Variants in JMJD1C observed in about 807,000 individuals in gnomAD.
JMJD1C encodes the protein jumonji domain-containing protein 1C.
In JMJD1C, 31 loss-of-function variants were observed where a neutral mutation model predicts 245.3. The ratio of observed to expected loss-of-function variants is 0.13; its 90% confidence interval spans 0.09 to 0.17. JMJD1C has a LOEUF of 0.17. JMJD1C is among the 10% of genes least tolerant of loss of function. JMJD1C has a pLI of 1.00. For missense variants in JMJD1C, 2,691 were observed against 3,000.2 expected (o/e 0.90, Z 2.41); for synonymous variants, 1,057 against 1,017.4 (o/e 1.04, Z -0.74).
At chr10:63,489,266 G>A (rs528204792) in intron 1 of JMJD1C, among the ~76,000 whole-genome samples, 1 of 152,268 alleles carries the variant, frequency 6.6e-6, no homozygotes, top group South Asian at 2.1e-4. Flanking sequence ...TGGGCATGGT[G>A]GCGGGCGCCT....
At position 63,193,161 on chromosome 10, in the gene JMJD1C, T is replaced by C; in HGVS notation, c.5863-10A>G. On this transcript the variant is annotated splice_polypyrimidine_tract_variant and intron_variant, in intron 15 of 25. Transcript: ENST00000399262. ...GAACATTCTGTAAAACCTACAAAGGTAGAACAATTACATTTTTAAACACTT... is the reference window on the plus strand; with the variant it reads ...GAACATTCTGTAAAACCTACAAAGGCAGAACAATTACATTTTTAAACACTT... 1.9e-6 allele frequency: 3 copies of C among 1,597,206 alleles called. No individual in the cohort carries two copies. Among genetic ancestry groups the C allele is most frequent in the Non-Finnish European group, 2.6e-6 (3 of 1,166,554 alleles).
chr10:63,377,089 A>G (rs930744260), intron 2 of JMJD1C, among the ~76,000 whole-genome samples: 6 of 152,254 alleles, frequency 3.9e-5, no homozygotes, highest in Non-Finnish European at 7.3e-5. Context: ...GTTATTTTGC[A>G]ATAAAAAGGA....
chr10:63,168,256 G>GA (rs1842026767), intron 25 of JMJD1C, 122 bp from the exon 26 acceptor site: 1 of 1,008,330 alleles, frequency 9.9e-7, no homozygotes, highest in Non-Finnish European at 1.5e-6. Flanking sequence ...AAAAATGTTT[G>GA]AAAGTGTTAA....
chr10:63,210,896 C>T (rs962526985), intron 8 of JMJD1C, among the ~76,000 whole-genome samples: 3 of 152,172 alleles, frequency 2.0e-5, no homozygotes, highest in African/African-American at 4.8e-5. Context: ...ACAAAAGCAA[C>T]GGCACCCTCC....
At chr10:63,274,026 C>T (rs1004768936) in intron 2 of JMJD1C, among the ~76,000 whole-genome samples, 1 of 152,042 alleles carries the variant, frequency 6.6e-6, no homozygotes, top group Admixed American at 6.6e-5. Flanking sequence ...AAAAATTATA[C>T]AGACTCAAAA....
At chr10:63,512,705 G>A (rs10437363) in intron 1 of JMJD1C, among the ~76,000 whole-genome samples, 21,941 of 152,102 alleles carry the variant, frequency 0.14, 3,731 homozygotes, top group African/African-American at 0.41. Context: ...TGCTCTCTGA[G>A]CTTCCTGGAT....
chr10:63,189,043 A>C (rs1322184894), intron 18 of JMJD1C, 125 bp downstream of exon 18: 7 of 738,114 alleles, frequency 9.5e-6, no homozygotes, highest in Non-Finnish European at 1.5e-5. Flanking sequence ...TTTATATCTT[A>C]TTGTCCCCCA....
chr10:63,295,033 C>T (rs1223041355), intron 2 of JMJD1C, among the ~76,000 whole-genome samples: 4 of 147,010 alleles, frequency 2.7e-5, no homozygotes, highest in African/African-American at 7.4e-5. Context: ...ATTTAAAAAA[C>T]AGCAATTAGA....
chr10:63,265,989 T>G (rs1242697450), intron 2 of JMJD1C, among the ~76,000 whole-genome samples: 1 of 152,050 alleles, frequency 6.6e-6, no homozygotes, highest in African/African-American at 2.4e-5. Flanking sequence ...AAGGAGTTAA[T>G]TTCTATATTT....
chr10:63,398,115 C>A (rs1948616639), intron 1 of JMJD1C, among the ~76,000 whole-genome samples: 1 of 152,142 alleles, frequency 6.6e-6, no homozygotes, highest in African/African-American at 2.4e-5. Context: ...CTAAAACTAT[C>A]CATTATTTAA....
At chr10:63,372,459 T>A (rs1026342353) in intron 2 of JMJD1C, among the ~76,000 whole-genome samples, 1 of 152,210 alleles carries the variant, frequency 6.6e-6, no homozygotes, top group Admixed American at 6.5e-5. Flanking sequence ...CTGATGAGAA[T>A]TGGCATTATA....
intron 20 of JMJD1C, 99 bp from the exon 21 acceptor site, chr10:63,184,837 T>A (rs752356439): frequency 9.0e-7 from 1 of 1,109,554 alleles, no homozygotes; most frequent in Non-Finnish European, 1.3e-6. Flanking sequence ...GCAGACTACC[T>A]TTCCATAAGA....
intron 2 of JMJD1C, among the ~76,000 whole-genome samples, chr10:63,362,912 G>A (rs569194245): frequency 6.6e-6 from 1 of 152,090 alleles, no homozygotes; most frequent in Non-Finnish European, 1.5e-5. Context: ...GAGTGAGAGT[G>A]GCTTGGTGAG....
chr10:63,207,590 T>A lies in JMJD1C; in HGVS notation c.4079A>T (p.Asn1360Ile), dbSNP rs1589148092. The part of the protein sequence containing the change: ...ETGRIILPNV[N>I]SDSVHTKSEK... The stretch of plus-strand genomic sequence containing the variant: ...AGATTTTGTGTGAACACTGTCTGAA[T>A]TCACATTTGGCAAAATGATTCTTCC... The change falls in exon 10 of 26, where the codon AAT (asparagine) becomes ATT (isoleucine). Residue 1360 changes from asparagine (N) to isoleucine (I), a missense_variant. Transcript: ENST00000399262. 2 of 1,614,180 alleles carry A rather than the reference T, an allele frequency of 1.2e-6. No individual in the cohort carries two copies. The highest frequency in any genetic ancestry group is 2.2e-5 in the East Asian group (1 of 44,892).
chr10:63,391,840 A>C (rs1948084538), intron 1 of JMJD1C, among the ~76,000 whole-genome samples: 2 of 152,202 alleles, frequency 1.3e-5, no homozygotes, highest in Non-Finnish European at 2.9e-5. Flanking sequence ...GAGCCAAAGC[A>C]ATCCTGAGCA....
In JMJD1C at chr10:63,427,435, G is replaced by T; in HGVS notation, c.168+38060C>A. 2.6e-6 allele frequency: 3 copies of T among 1,145,546 alleles called. No individual in the cohort carries two copies. The South Asian group carries it at 3.8e-5, about 14-fold the overall frequency. 71.0% of individuals were successfully genotyped at this position (1,145,546 alleles called of 1,614,324 possible). A position where few individuals can be genotyped will look rare whatever the true frequency, so the allele number is the denominator to read the frequency against. On this transcript the variant is annotated intron_variant, in intron 1 of 25. Coordinates refer to ENST00000399262, the MANE Select transcript of JMJD1C (RefSeq NM_032776.3). ...CACAGTACACCGGGAGGTGACTGCT[G>T]ACCAGAAACTGCTGTCCCAGCAACT...
intron 1 of JMJD1C, among the ~76,000 whole-genome samples, chr10:63,385,346 T>C (rs1478075627): frequency 6.8e-6 from 1 of 146,578 alleles, no homozygotes; most frequent in Non-Finnish European, 1.5e-5. Context: ...CACGTGCAGA[T>C]GGAAAAATGA....
intron 3 of JMJD1C, among the ~76,000 whole-genome samples, chr10:63,232,079 C>T (rs1850088611): frequency 6.6e-6 from 1 of 152,170 alleles, no homozygotes; most frequent in Admixed American, 6.5e-5. Flanking sequence ...CTCATGTGAT[C>T]CACCTGCCTC....
rs1949226084 is a variant in JMJD1C at position 63,407,295 on chromosome 10, G to GA, written c.169-26814dup. ...AGCATATTAAAACAGGTTGAGGGCA[G>GA]AGATTACCATTGAAACAGAAGAAGG... On this transcript the variant is annotated intron_variant, in intron 1 of 25. Coordinates refer to ENST00000399262, the MANE Select transcript of JMJD1C (RefSeq NM_032776.3). 2.0e-5 allele frequency among the ~76,000 whole-genome samples: 3 copies of GA among 152,204 alleles called. No homozygotes were observed. The South Asian group carries it at 6.2e-4, about 31-fold the overall frequency.
Sources: allele counts gnomAD v4.1 joint callset (sites outside exome capture counted in the v4.1 genomes callset), GRCh38; gene constraint gnomAD v4.1.1; transcripts MANE v1.5; gene names NCBI Gene and HGNC (gene_info 2026-07-23, HGNC 2026-07-21).